NFIB: variants seen among roughly 807,000 people sequenced by gnomAD.
The protein encoded by NFIB is nuclear factor 1 B-type.
A neutral mutation model predicts 61.5 loss-of-function variants in NFIB; 11 were observed. That is an observed-to-expected ratio of 0.18 (90% CI 0.11 to 0.30). The LOEUF (loss-of-function observed/expected upper bound fraction) is 0.30. Among genes scored for constraint, NFIB ranks in the 10% least tolerant of loss-of-function variants. NFIB has a pLI of 1.00. For synonymous variants in NFIB, 260 were observed against 216.5 expected, an observed-to-expected ratio of 1.20 and a Z score of -1.76; for missense variants, 471 against 608.9, an observed-to-expected ratio of 0.77 and a Z score of 2.38.
chr9:14,356,075 G>T (rs2061173496), intron 1 of NFIB, among the ~76,000 whole-genome samples: 1 of 151,962 alleles, frequency 6.6e-6, no homozygotes, highest in Non-Finnish European at 1.5e-5. Flanking sequence ...GCCAGTGCTA[G>T]CTGACAACTA....
the NFIB span, among the ~76,000 whole-genome samples, chr9:14,445,931 T>TAGCCATTAGAGAG: frequency 6.6e-6 from 1 of 152,122 alleles, no homozygotes; most frequent in African/African-American, 2.4e-5. Flanking sequence ...CATTAGAGAG[T>TAGCCATTAGAGAG]TTTCTGGTAA....
the NFIB span, among the ~76,000 whole-genome samples, chr9:14,412,763 G>T: frequency 6.6e-6 from 1 of 152,192 alleles, no homozygotes; most frequent in Admixed American, 6.5e-5. Flanking sequence ...CAGGGCATGG[G>T]ATACGTAATT....
intron 1 of NFIB, among the ~76,000 whole-genome samples, chr9:14,392,265 T>C (rs555942111): frequency 1.3e-4 from 20 of 152,302 alleles, no homozygotes; most frequent in African/African-American, 4.6e-4. Context: ...AATTTGAATA[T>C]AGATGGACTT....
intron 2 of NFIB, among the ~76,000 whole-genome samples, chr9:14,212,316 G>T (rs1312632456): frequency 6.6e-6 from 1 of 152,152 alleles, no homozygotes; most frequent in Non-Finnish European, 1.5e-5. Context: ...CTTAGAAATT[G>T]CTCATGCACT....
the NFIB span, among the ~76,000 whole-genome samples, chr9:14,435,310 T>C: frequency 6.6e-6 from 1 of 152,194 alleles, no homozygotes; most frequent in Non-Finnish European, 1.5e-5. Context: ...CCTTCATAAT[T>C]TTTGCTGTGG....
the NFIB span, among the ~76,000 whole-genome samples, chr9:14,447,527 C>T: frequency 6.6e-6 from 1 of 152,130 alleles, no homozygotes; most frequent in Non-Finnish European, 1.5e-5. Flanking sequence ...GGCTGTAAAT[C>T]TCAGACAAAC....
intron 1 of NFIB, among the ~76,000 whole-genome samples, chr9:14,327,174 A>C (rs1211965238): frequency 1.3e-5 from 2 of 152,178 alleles, no homozygotes; most frequent in Admixed American, 6.5e-5. Context: ...AACAGGATGC[A>C]CGAAAGCGCT....
At position 14,086,307 on chromosome 9, in the gene NFIB, C is replaced by A. The variant is rs1280200694; in HGVS notation, c.*2002G>T. ...GTCCATCTCTCAGTACACAAAAGGA[C>A]CTCATCACACTGCAAAAATAGCAGT... is the stretch of plus-strand genomic sequence containing the variant. On this transcript the variant is annotated 3_prime_UTR_variant, in exon 11 of 11. Transcript: ENST00000380953. 1.8e-5 allele frequency: 4 copies of A among 220,926 alleles called. No individual in the cohort carries two copies. Among genetic ancestry groups the A allele is most frequent in the African/African-American group, 9.0e-5 (4 of 44,458 alleles). 13.7% of individuals were successfully genotyped at this position (220,926 alleles called of 1,614,324 possible). A position where few individuals can be genotyped will look rare whatever the true frequency, so the allele number is the denominator to read the frequency against.
chr9:14,163,048 A>C (rs2131290228), intron 3 of NFIB, among the ~76,000 whole-genome samples: 1 of 152,164 alleles, frequency 6.6e-6, no homozygotes, highest in East Asian at 1.9e-4. Context: ...ACTCTTCTAC[A>C]CCTCACATTT....
At chr9:14,162,934 G>A (rs1303730530) in intron 3 of NFIB, among the ~76,000 whole-genome samples, 1 of 151,860 alleles carries the variant, frequency 6.6e-6, no homozygotes, top group African/African-American at 2.4e-5. Context: ...AATGGATGTG[G>A]AAGGTATGCC....
the NFIB span, among the ~76,000 whole-genome samples, chr9:14,500,593 G>C: frequency 1.3e-5 from 2 of 152,074 alleles, no homozygotes; most frequent in Non-Finnish European, 2.9e-5. Flanking sequence ...TTAACTGACT[G>C]ATTTAATATT....
chr9:14,219,500 G>C (rs1415535805), intron 2 of NFIB, among the ~76,000 whole-genome samples: 2 of 149,770 alleles, frequency 1.3e-5, no homozygotes, highest in East Asian at 2.0e-4. Context: ...ATTTTTGTTT[G>C]CAGGCTTCTT....
At chr9:14,433,956 C>T in the NFIB span, among the ~76,000 whole-genome samples, 1,674 of 152,302 alleles carry the variant, frequency 0.011, 12 homozygotes, top group Non-Finnish European at 0.019. Context: ...GACTCGGATT[C>T]GAACCGAGGT....
At chr9:14,496,628 G>C in the NFIB span, among the ~76,000 whole-genome samples, 3 of 152,060 alleles carry the variant, frequency 2.0e-5, no homozygotes, top group Non-Finnish European at 2.9e-5. Context: ...CTTGCATTTC[G>C]TAGTCCATCT....
the NFIB span, among the ~76,000 whole-genome samples, chr9:14,524,564 G>A: frequency 2.0e-5 from 3 of 152,282 alleles, no homozygotes; most frequent in South Asian, 4.1e-4. Flanking sequence ...GAGTTGAACC[G>A]CAAAATGGCA....
At chr9:14,480,853 T>C in the NFIB span, among the ~76,000 whole-genome samples, 145,736 of 152,186 alleles carry the variant, frequency 0.96, 69,851 homozygotes, top group East Asian at 1. Flanking sequence ...TCCTGTAGTA[T>C]GAAGCCTTTC....
chr9:14,342,865 G>A (rs1014466317), intron 1 of NFIB, among the ~76,000 whole-genome samples: 1 of 152,058 alleles, frequency 6.6e-6, no homozygotes, highest in South Asian at 2.1e-4. Flanking sequence ...AACAATGAGG[G>A]TACATTTCCT....
chr9:14,378,164 G>A (rs942579344), intron 1 of NFIB, among the ~76,000 whole-genome samples: 2 of 152,168 alleles, frequency 1.3e-5, no homozygotes, highest in East Asian at 3.9e-4. Context: ...AGTTTCCTCT[G>A]CTTTCCAAAG....
the NFIB span, among the ~76,000 whole-genome samples, chr9:14,520,622 A>C: frequency 1.3e-5 from 2 of 152,222 alleles, no homozygotes; most frequent in African/African-American, 2.4e-5. Context: ...AGGAATCTGA[A>C]GCACTTCTGT....
Sources: gnomAD v4.1 joint callset for allele counts (sites outside exome capture counted in the v4.1 genomes callset) on GRCh38, gnomAD v4.1.1 for gene constraint, MANE v1.5 for transcripts, NCBI Gene and HGNC (gene_info 2026-07-23, HGNC 2026-07-21) for gene names.